Variants in TMEM131 observed in about 807,000 individuals in gnomAD.
TMEM131 encodes the protein 2610524E03Rik.
In TMEM131, 66 loss-of-function variants were observed where a neutral mutation model predicts 211.6. The ratio of observed to expected loss-of-function variants is 0.31; its 90% confidence interval spans 0.26 to 0.38. The LOEUF is 0.38. Among genes scored for constraint, TMEM131 ranks in the 10% least tolerant of loss-of-function variants. The pLI is 1.00. For synonymous variants in TMEM131, 844 were observed against 841.3 expected (o/e 1.00, Z -0.06); for missense variants, 2,036 against 2,299.3 (o/e 0.89, Z 2.34).
At position 97,995,603 on chromosome 2, in the gene TMEM131, G is replaced by GGT; in HGVS notation, c.59_60insAC (p.Ala21ProfsTer24). ...CCGCAGGTTCCAGCCCGGCCCCGGCGGACGTGGAGACGGCGGCGGTGGTGG... is the reference window on the plus strand; with the variant it reads ...CCGCAGGTTCCAGCCCGGCCCCGGCGGTGACGTGGAGACGGCGGCGGTGGTGG... On this transcript the variant is annotated frameshift_variant, in exon 1 of 41. Coordinates refer to ENST00000186436, the MANE Select transcript of TMEM131 (RefSeq NM_015348.2). LOFTEE classifies it high-confidence loss of function. The GGT allele has an allele frequency of 8.0e-7, 1 of 1,251,854 alleles. No individual in the cohort carries two copies. Among genetic ancestry groups the GGT allele is most frequent in the Non-Finnish European group, 1.0e-6 (1 of 998,854 alleles). The allele number at this position is 1,251,854 out of a possible 1,614,324, so 77.5% of individuals were successfully genotyped here.
intron 31 of TMEM131, among the ~76,000 whole-genome samples, chr2:97,779,742 C>A (rs186491363): frequency 6.6e-6 from 1 of 152,130 alleles, no homozygotes; most frequent in Non-Finnish European, 1.5e-5. Flanking sequence ...CAGGGCTGGG[C>A]GCAGCAGTGG....
chr2:97,769,416 T>C (rs556149428), intron 33 of TMEM131, among the ~76,000 whole-genome samples: 20 of 152,334 alleles, frequency 1.3e-4, no homozygotes, highest in African/African-American at 4.8e-4. Context: ...TGGCCTATTT[T>C]TATTCCTGTA....
intron 1 of TMEM131, among the ~76,000 whole-genome samples, chr2:97,947,779 T>C (rs182148610): frequency 1.3e-5 from 2 of 152,244 alleles, no homozygotes; most frequent in Admixed American, 6.5e-5. Flanking sequence ...GGACTCAACA[T>C]TGCCTGATTT....
At chr2:97,789,175 C>T (rs1191995293) in intron 31 of TMEM131, among the ~76,000 whole-genome samples, 2 of 152,230 alleles carry the variant, frequency 1.3e-5, no homozygotes, top group African/African-American at 4.8e-5. Context: ...TCCGCGAGCA[C>T]TCTTCAGCCT....
intron 5 of TMEM131, among the ~76,000 whole-genome samples, chr2:97,853,146 C>T (rs1006563678): frequency 6.6e-6 from 1 of 152,160 alleles, no homozygotes; most frequent in Non-Finnish European, 1.5e-5. Context: ...CATTCTTCAG[C>T]CAAGGATCAA....
chr2:97,863,417 G>C (rs1674146350), intron 4 of TMEM131, among the ~76,000 whole-genome samples: 1 of 152,122 alleles, frequency 6.6e-6, no homozygotes, highest in South Asian at 2.1e-4. Context: ...AACTTAAAAA[G>C]CTTCTGCACA....
chr2:97,950,283 T>C (rs1678247827), intron 1 of TMEM131, among the ~76,000 whole-genome samples: 1 of 152,242 alleles, frequency 6.6e-6, no homozygotes, highest in Non-Finnish European at 1.5e-5. Flanking sequence ...AATCATTAAC[T>C]ATAATCAAAT....
At chr2:97,978,081 G>T (rs967347976) in intron 1 of TMEM131, among the ~76,000 whole-genome samples, 1 of 151,790 alleles carries the variant, frequency 6.6e-6, no homozygotes, top group African/African-American at 2.4e-5. Context: ...AGCAAGACTC[G>T]GTCTTGGGGA....
chr2:97,888,168 T>C, intron 3 of TMEM131, 48 bp from the exon 4 acceptor site: 2 of 1,513,042 alleles, frequency 1.3e-6, no homozygotes, highest in Non-Finnish European at 1.8e-6. Flanking sequence ...TCAAAATATA[T>C]GTTTCCCCAA....
chr2:97,758,081 G>A (rs374696159), intron 40 of TMEM131, among the ~76,000 whole-genome samples: 26 of 151,112 alleles, frequency 1.7e-4, no homozygotes, highest in East Asian at 1.6e-3. Context: ...GCAGTGAGCC[G>A]AGATTGTGCC....
At chr2:97,995,296 C>A (rs1422834798) in intron 1 of TMEM131, among the ~76,000 whole-genome samples, 180 bp downstream of exon 1, 1 of 152,212 alleles carries the variant, frequency 6.6e-6, no homozygotes, top group Admixed American at 6.5e-5. Context: ...GAAGGAATCA[C>A]GGAGAGCGAA....
In TMEM131 at chr2:97,945,258, A is replaced by G. The variant is rs141184489; in HGVS notation, c.188-17771T>C. Among the ~76,000 whole-genome samples, 427 of 152,296 alleles carry G rather than the reference A, an allele frequency of 2.8e-3. 1 individual carries two copies. The highest frequency in any genetic ancestry group is 9.9e-3 in the African/African-American group (413 of 41,574). Reference sequence around the variant, plus strand: ...ATTCCATTTATAGGAAACGTCCAGAATAGGCAAAAAGAACCTAGATTAGCA... The same window carrying G: ...ATTCCATTTATAGGAAACGTCCAGAGTAGGCAAAAAGAACCTAGATTAGCA... On this transcript the variant is annotated intron_variant, in intron 1 of 40. Transcript: ENST00000186436.
intron 31 of TMEM131, among the ~76,000 whole-genome samples, chr2:97,781,550 C>A (rs1187990772): frequency 6.6e-6 from 1 of 152,124 alleles, no homozygotes; most frequent in Non-Finnish European, 1.5e-5. Flanking sequence ...TAGTGGAGCC[C>A]AAGATTTTCC....
At chr2:97,916,116 A>G (rs1291177681) in intron 2 of TMEM131, among the ~76,000 whole-genome samples, 1 of 152,032 alleles carries the variant, frequency 6.6e-6, no homozygotes, top group Non-Finnish European at 1.5e-5. Flanking sequence ...GAGTTTCACC[A>G]TGTTGGTCAG....
chr2:97,767,810 C>A (rs749298089), intron 33 of TMEM131, among the ~76,000 whole-genome samples: 2 of 152,208 alleles, frequency 1.3e-5, no homozygotes, highest in South Asian at 4.1e-4. Context: ...AAGTTCTTCA[C>A]GCACCATGTT....
intron 31 of TMEM131, among the ~76,000 whole-genome samples, chr2:97,789,042 C>T (rs1680377106): frequency 6.6e-6 from 1 of 152,136 alleles, no homozygotes; most frequent in South Asian, 2.1e-4. Flanking sequence ...AGTTAGTGGC[C>T]ACTACTAACA....
intron 1 of TMEM131, among the ~76,000 whole-genome samples, chr2:97,984,915 C>A (rs1459963806): frequency 6.6e-6 from 1 of 151,942 alleles, no homozygotes; most frequent in Non-Finnish European, 1.5e-5. Flanking sequence ...CAATGGGTAT[C>A]CCTGGACGAG....
At chr2:97,947,090 T>G (rs1161292616) in intron 1 of TMEM131, among the ~76,000 whole-genome samples, 2 of 152,070 alleles carry the variant, frequency 1.3e-5, no homozygotes, top group African/African-American at 2.4e-5. Flanking sequence ...GTACAAAAGA[T>G]ATACAGCTAT....
At chr2:97,920,923 T>G (rs1676711654) in intron 2 of TMEM131, among the ~76,000 whole-genome samples, 2 of 151,952 alleles carry the variant, frequency 1.3e-5, no homozygotes, top group South Asian at 4.1e-4. Flanking sequence ...TTTTAATTCT[T>G]GCCAAATTGA....
Sources: gnomAD v4.1 joint callset for allele counts (sites outside exome capture counted in the v4.1 genomes callset) on GRCh38, gnomAD v4.1.1 for gene constraint, MANE v1.5 for transcripts, NCBI Gene and HGNC (gene_info 2026-07-23, HGNC 2026-07-21) for gene names.